Variants in RAI1 observed in about 807,000 individuals in gnomAD.
The protein encoded by RAI1 is retinoic acid-induced protein 1.
In RAI1, 9 loss-of-function variants were observed where a neutral mutation model predicts 123.8. The observed-to-expected ratio is 0.07, with a 90% CI of 0.04 to 0.13. The LOEUF is 0.13. Among genes scored for constraint, RAI1 ranks in the 10% least tolerant of loss-of-function variants. The pLI is 1.00. For missense variants in RAI1, 2,256 were observed against 2,545.8 expected (o/e 0.89, Z 2.45); for synonymous variants, 1,231 against 1,127.3 (o/e 1.09, Z -1.84).
intron 1 of RAI1, among the ~76,000 whole-genome samples, chr17:17,689,198 TCCAC>T: frequency 6.6e-6 from 1 of 152,040 alleles, no homozygotes; most frequent in Non-Finnish European, 1.5e-5. Context: ...CCTCAGGTGA[TCCAC>T]CCGCCTCAGC....
intron 2 of RAI1, among the ~76,000 whole-genome samples, chr17:17,734,854 C>G (rs76556206): frequency 0.016 from 2,475 of 152,308 alleles, 32 homozygotes; most frequent in Non-Finnish European, 0.022. Context: ...GACACCAGCT[C>G]GCCCTCCACA....
At chr17:17,762,787 CCTGTTCA>C (rs2030758196) in intron 2 of RAI1, among the ~76,000 whole-genome samples, 1 of 152,124 alleles carries the variant, frequency 6.6e-6, no homozygotes. Context: ...GCTTCCACAG[CCTGTTCA>C]CTCCTTCATG....
chr17:17,703,489 T>C (rs952675284), intron 1 of RAI1, among the ~76,000 whole-genome samples: 1 of 152,116 alleles, frequency 6.6e-6, no homozygotes, highest in African/African-American at 2.4e-5. Flanking sequence ...CATAACCTTT[T>C]TGGGGTGGGG....
rs2143002920 is a variant in RAI1, at chr17:17,797,143, T to G, written c.4195T>G (p.Leu1399Val). 6.2e-7 allele frequency: 1 copy of G among 1,613,962 alleles called. No homozygotes were observed. The highest frequency in any genetic ancestry group is 2.2e-5 in the East Asian group (1 of 44,878). ...QKLPTSGADP[L>V]CRNPTNRSLK... Reference sequence around the variant, plus strand: ...GCTCCCAACTTCTGGGGCTGATCCGTTATGCAGAAATCCAACCAACAGATC... The same window carrying G: ...GCTCCCAACTTCTGGGGCTGATCCGGTATGCAGAAATCCAACCAACAGATC... Residue 1399 changes from leucine (L) to valine (V), a missense_variant, in exon 3 of 6, where the codon TTA becomes GTA. Leu to Val is a conservative substitution (Grantham distance 32, BLOSUM62 1). Around this residue, in one of 7 missense-constraint regions of RAI1, gnomAD observed 410 missense variants for 374.6 expected, o/e 1.09. Transcript: ENST00000353383.
chr17:17,706,835 G>GT (rs537200535), intron 1 of RAI1, among the ~76,000 whole-genome samples: 12 of 152,364 alleles, frequency 7.9e-5, no homozygotes, highest in African/African-American at 2.6e-4. Context: ...CAGGGGAAAA[G>GT]TTTTTAAAGA....
rs762112241 is a variant in RAI1 at position 17,795,417 on chromosome 17, T to C, written c.2469T>C (p.Gly823=). Residue 823 remains glycine (G), a synonymous_variant, in exon 3 of 6, where the codon GGT becomes GGC. Coordinates refer to ENST00000353383, the MANE Select transcript of RAI1 (RefSeq NM_030665.4). This position sits in a 1 kb window ranked among gnomAD's most constrained non-coding sequence, Gnocchi z 5.9. ...TGGGTGGGGTGAAGGAGGAGGCAGGTGGGCTGCTGCAGTGCCCCGAGGTGG... is the reference window on the plus strand; with the variant it reads ...TGGGTGGGGTGAAGGAGGAGGCAGGCGGGCTGCTGCAGTGCCCCGAGGTGG... ...EEVGGVKEEA[G]GLLQCPEVAK... The C allele has an allele frequency of 3.1e-6, 5 of 1,589,508 alleles. No homozygotes were observed. Among genetic ancestry groups the C allele is most frequent in the East Asian group, 2.3e-5 (1 of 44,278 alleles).
At chr17:17,715,266 TG>T (rs763562310) in intron 1 of RAI1, among the ~76,000 whole-genome samples, 11 of 152,250 alleles carry the variant, frequency 7.2e-5, no homozygotes, top group Non-Finnish European at 1.3e-4. Context: ...TGCTCTGAGC[TG>T]GGCACTGGTG....
chr17:17,690,915 G>A lies in RAI1; in HGVS notation c.-149+9122G>A, dbSNP rs111263332. Among the ~76,000 whole-genome samples, 19 of 152,288 alleles carry A rather than the reference G, an allele frequency of 1.2e-4. 1 individual carries two copies. The highest frequency in any genetic ancestry group is 4.3e-4 in the African/African-American group (18 of 41,558). ...GCTGGCTTTCAGTCTGGTGCTCTCTGGTGCTTTGATAGTGATTCCTTCAGC... is the reference window on the plus strand; with the variant it reads ...GCTGGCTTTCAGTCTGGTGCTCTCTAGTGCTTTGATAGTGATTCCTTCAGC... On this transcript the variant is annotated intron_variant, in intron 1 of 5. Coordinates refer to ENST00000353383, the MANE Select transcript of RAI1 (RefSeq NM_030665.4).
At chr17:17,741,162 T>C (rs1916623258) in intron 2 of RAI1, among the ~76,000 whole-genome samples, 1 of 151,854 alleles carries the variant, frequency 6.6e-6, no homozygotes, top group Non-Finnish European at 1.5e-5. Context: ...AGCGCACACG[T>C]ACACGCACGC....
At chr17:17,712,279 A>G (rs1003728163) in intron 1 of RAI1, among the ~76,000 whole-genome samples, 1 of 152,268 alleles carries the variant, frequency 6.6e-6, no homozygotes, top group African/African-American at 2.4e-5. Flanking sequence ...GAATAAACAT[A>G]TATCAGGTGA....
chr17:17,773,035 G>T (rs897436479), intron 2 of RAI1, among the ~76,000 whole-genome samples: 3 of 137,540 alleles, frequency 2.2e-5, no homozygotes, highest in Admixed American at 7.5e-5. Context: ...GGGTGTGTGT[G>T]CATGGATGCA....
At chr17:17,694,690 C>T (rs1914953210) in intron 1 of RAI1, among the ~76,000 whole-genome samples, 2 of 151,370 alleles carry the variant, frequency 1.3e-5, no homozygotes, top group Admixed American at 6.6e-5. Context: ...CCACAGGCCG[C>T]GGTCGGGGCC....
At chr17:17,702,569 G>A (rs914614921) in intron 1 of RAI1, among the ~76,000 whole-genome samples, 8 of 152,218 alleles carry the variant, frequency 5.3e-5, no homozygotes, top group African/African-American at 1.9e-4. Flanking sequence ...GCTGCCAGGA[G>A]CGTCAGGTGG....
chr17:17,700,435 C>T (rs1259085411), intron 1 of RAI1, among the ~76,000 whole-genome samples: 1 of 151,804 alleles, frequency 6.6e-6, no homozygotes, highest in Admixed American at 6.6e-5. Flanking sequence ...GGCGTTCGCG[C>T]GCAGCCCCTG....
In RAI1 at chr17:17,801,649, A is replaced by G. The variant is rs1330076557; in HGVS notation, c.5566-2107A>G. On this transcript the variant is annotated intron_variant, in intron 3 of 5. Coordinates refer to ENST00000353383, the MANE Select transcript of RAI1 (RefSeq NM_030665.4). The surrounding 1 kb of genome is among the most constrained non-coding windows in gnomAD (Gnocchi z 4.1). ...AGGCGGGAAGGAGGCCTCAGCCCTG[A>G]GCTGAAAACCTGAAATTCTAGAATA... Among the ~76,000 whole-genome samples the G allele has an allele frequency of 6.6e-6, 1 of 152,214 alleles. No individual in the cohort carries two copies. Among genetic ancestry groups the G allele is most frequent in the Non-Finnish European group, 1.5e-5 (1 of 68,028 alleles).
chr17:17,766,219 C>T (rs548266499), intron 2 of RAI1: 1 of 152,330 alleles, frequency 6.6e-6, no homozygotes, highest in African/African-American at 2.4e-5. Context: ...CTGGCCTCCC[C>T]AAGCCTCATG....
rs1025078167 is a variant in RAI1, at chr17:17,809,084, C to T, written c.5660-306C>T. The T allele has an allele frequency of 3.1e-5, 14 of 452,974 alleles. No individual in the cohort carries two copies. The highest frequency in any genetic ancestry group is 1.5e-4 in the South Asian group (7 of 46,778). 28.1% of individuals were successfully genotyped at this position (452,974 alleles called of 1,614,324 possible). On this transcript the variant is annotated intron_variant, in intron 4 of 5. Coordinates refer to ENST00000353383, the MANE Select transcript of RAI1 (RefSeq NM_030665.4). The surrounding 1 kb of genome is among the most constrained non-coding windows in gnomAD (Gnocchi z 4.9). ...GACAAGTGTGGCTGGCAGAGTAAGG[C>T]GGGAGGGAGGGAGGGACTGAGGGAC... is the stretch of plus-strand genomic sequence containing the variant.
rs71152902 is a variant in RAI1 at position 17,780,082 on chromosome 17, T to TTTTTTTA, written c.-16-12851_-16-12850insTTTTTTA. 3.4e-4 allele frequency among the ~76,000 whole-genome samples: 38 copies of TTTTTTTA among 110,966 alleles called. 1 individual carries two copies. Among genetic ancestry groups the TTTTTTTA allele is most frequent in the African/African-American group, 7.5e-4 (21 of 27,880 alleles). 72.8% of individuals were successfully genotyped at this position (110,966 alleles called of 152,430 possible). A position where few individuals can be genotyped will look rare whatever the true frequency, so the allele number is the denominator to read the frequency against. On this transcript the variant is annotated intron_variant, in intron 2 of 5. Transcript: ENST00000353383. ...GAGCCACTCCACCCAGGCTTTTTTT[T>TTTTTTTA]AAGACAAGAGTTTTACTCTTGTCCC...
chr17:17,687,250 G>C (rs1914672733), intron 1 of RAI1, among the ~76,000 whole-genome samples: 1 of 152,176 alleles, frequency 6.6e-6, no homozygotes, highest in Non-Finnish European at 1.5e-5. Flanking sequence ...GGCGAGCATG[G>C]GGTAGGGGGC....
Sources: gnomAD v4.1 joint callset for allele counts (sites outside exome capture counted in the v4.1 genomes callset) on GRCh38, gnomAD v4.1.1 for gene constraint, gnomAD v4.1.1 regional missense constraint, Gnocchi (gnomAD v3.1) non-coding constraint, MANE v1.5 for transcripts, NCBI Gene and HGNC (gene_info 2026-07-23, HGNC 2026-07-21) for gene names.